Variants in MALRD1 observed in about 807,000 individuals in gnomAD.
MALRD1 encodes the protein MAM and LDL receptor class A domain containing 1.
In MALRD1, 247 loss-of-function variants were observed where a neutral mutation model predicts 242.1. That is an observed-to-expected ratio of 1.02 (90% CI 0.92 to 1.13). MALRD1 has a LOEUF of 1.13. Among genes scored for constraint, MALRD1 ranks in the 50% most tolerant of loss-of-function variants. MALRD1 has a pLI of 0.00. For missense variants in MALRD1, 2,989 were observed against 2,533.1 expected, an observed-to-expected ratio of 1.18 and a Z score of -3.86; for synonymous variants, 995 against 866.6, an observed-to-expected ratio of 1.15 and a Z score of -2.60.
chr10:19,654,760 C>G (rs905501355), intron 36 of MALRD1, among the ~76,000 whole-genome samples: 1 of 151,958 alleles, frequency 6.6e-6, no homozygotes, highest in Non-Finnish European at 1.5e-5. Flanking sequence ...CTGAAAATAT[C>G]CAGGCACAGA....
chr10:19,380,998 G>T (rs10827334), intron 26 of MALRD1, among the ~76,000 whole-genome samples: 13 of 144,120 alleles, frequency 9.0e-5, no homozygotes, highest in East Asian at 6.4e-4. Flanking sequence ...CATGCTGGTG[G>T]GCTGCACCCA....
chr10:19,230,035 A>T (rs1209988731), intron 18 of MALRD1, among the ~76,000 whole-genome samples: 1 of 152,012 alleles, frequency 6.6e-6, no homozygotes, highest in African/African-American at 2.4e-5. Context: ...ATGAGATCTG[A>T]TGGTTTTATA....
intron 34 of MALRD1, among the ~76,000 whole-genome samples, chr10:19,597,654 A>T (rs1437442793): frequency 6.6e-6 from 1 of 152,206 alleles, no homozygotes; most frequent in Non-Finnish European, 1.5e-5. Context: ...GATGAGACAG[A>T]TGGATATGAC....
At chr10:19,636,950 A>G (rs1840163294) in intron 36 of MALRD1, among the ~76,000 whole-genome samples, 2 of 151,764 alleles carry the variant, frequency 1.3e-5, no homozygotes, top group South Asian at 4.1e-4. Context: ...TGACATTACT[A>G]TATTATTTTG....
intron 34 of MALRD1, among the ~76,000 whole-genome samples, chr10:19,603,723 G>A (rs908508293): frequency 6.6e-6 from 1 of 152,034 alleles, no homozygotes; most frequent in Admixed American, 6.6e-5. Flanking sequence ...CTCACTTCGT[G>A]TCTGTATCCC....
chr10:19,197,089 A>C (rs952367609), intron 14 of MALRD1, among the ~76,000 whole-genome samples: 1 of 152,100 alleles, frequency 6.6e-6, no homozygotes, highest in African/African-American at 2.4e-5. Context: ...GGCACGTCTT[A>C]TATGGTGGCA....
In MALRD1 at chr10:19,294,444, A is replaced by G. The variant is rs192945957; in HGVS notation, c.3419+11263A>G. 2.6e-4 allele frequency among the ~76,000 whole-genome samples: 39 copies of G among 152,328 alleles called. No individual in the cohort carries two copies. In the East Asian group the frequency reaches 6.5e-3, roughly 26 times the overall value. ...TTTATGCAGATATATCAATTACTCA[A>G]ATCAAACATTTTTATTGCCTAAAAG... is the stretch of plus-strand genomic sequence containing the variant. On this transcript the variant is annotated intron_variant, in intron 21 of 39. Coordinates refer to ENST00000454679, the MANE Select transcript of MALRD1 (RefSeq NM_001142308.3).
chr10:19,521,698 A>G (rs1833892686), intron 31 of MALRD1, among the ~76,000 whole-genome samples: 1 of 152,142 alleles, frequency 6.6e-6, no homozygotes, highest in South Asian at 2.1e-4. Flanking sequence ...TTAAAATTGT[A>G]ACAACCTGAT....
intron 5 of MALRD1, among the ~76,000 whole-genome samples, chr10:19,121,026 G>T (rs1006814218): frequency 2.7e-5 from 4 of 148,734 alleles, no homozygotes; most frequent in South Asian, 2.1e-4. Context: ...TTACAGGCGT[G>T]AGCCACTGTG....
chr10:19,153,810 C>A (rs925512937), intron 11 of MALRD1, among the ~76,000 whole-genome samples: 5 of 152,092 alleles, frequency 3.3e-5, no homozygotes, highest in Admixed American at 2.6e-4. Context: ...TTTATTCAGG[C>A]CTTTTGCTTC....
intron 10 of MALRD1, among the ~76,000 whole-genome samples, chr10:19,140,812 G>T (rs2131424969): frequency 6.6e-6 from 1 of 152,126 alleles, no homozygotes; most frequent in Admixed American, 6.6e-5. Flanking sequence ...GGGAGGTATT[G>T]GTCAAAAGAT....
intron 36 of MALRD1, among the ~76,000 whole-genome samples, chr10:19,618,062 T>C (rs1005156463): frequency 2.0e-5 from 3 of 152,078 alleles, no homozygotes; most frequent in Non-Finnish European, 4.4e-5. Flanking sequence ...CTCACACTTA[T>C]AAGTGAGAAC....
intron 38 of MALRD1, among the ~76,000 whole-genome samples, chr10:19,713,592 T>G (rs191631587): frequency 6.6e-6 from 1 of 152,360 alleles, no homozygotes. Flanking sequence ...GCTAGGTGGT[T>G]GCTAAGGGCA....
At chr10:19,567,917 C>T (rs1037299589) in intron 33 of MALRD1, among the ~76,000 whole-genome samples, 3 of 152,144 alleles carry the variant, frequency 2.0e-5, no homozygotes, top group Admixed American at 2.0e-4. Flanking sequence ...TAACTTTGCA[C>T]TAAAGTTGTT....
chr10:19,628,490 A>G (rs1264707488), intron 36 of MALRD1, among the ~76,000 whole-genome samples: 1 of 152,178 alleles, frequency 6.6e-6, no homozygotes. Context: ...CCATATTGTT[A>G]GGTGAAAATG....
chr10:19,274,189 C>T (rs186033445), intron 19 of MALRD1, among the ~76,000 whole-genome samples: 1 of 152,236 alleles, frequency 6.6e-6, no homozygotes, highest in East Asian at 1.9e-4. Flanking sequence ...GTCATTGCCA[C>T]ATTATTCACA....
chr10:19,331,787 T>G (rs1474712604), intron 24 of MALRD1, among the ~76,000 whole-genome samples: 1 of 152,138 alleles, frequency 6.6e-6, no homozygotes, highest in African/African-American at 2.4e-5. Context: ...TGGCTGTGTG[T>G]GTGTATGTGT....
chr10:19,394,657 C>T (rs1193083934), intron 28 of MALRD1, among the ~76,000 whole-genome samples: 1 of 152,120 alleles, frequency 6.6e-6, no homozygotes, highest in Non-Finnish European at 1.5e-5. Flanking sequence ...TTCACCACTG[C>T]CATAATCTGA....
At chr10:19,448,490 T>A (rs1835128504) in intron 28 of MALRD1, among the ~76,000 whole-genome samples, 1 of 151,096 alleles carries the variant, frequency 6.6e-6, no homozygotes, top group Admixed American at 6.6e-5. Context: ...ATCATCTAGT[T>A]CCCAGAAAGG....
Sources: gnomAD v4.1 joint callset for allele counts (sites outside exome capture counted in the v4.1 genomes callset) on GRCh38, gnomAD v4.1.1 for gene constraint, MANE v1.5 for transcripts, NCBI Gene and HGNC (gene_info 2026-07-23, HGNC 2026-07-21) for gene names.